The following FAM107B variants were observed in gnomAD, a reference collection of about 807,000 sequenced individuals.
FAM107B encodes the protein family with sequence similarity 107 member B, also known as protein FAM107B.
A neutral mutation model predicts 31.5 loss-of-function variants in FAM107B; 21 were observed. The ratio of observed to expected loss-of-function variants is 0.67; its 90% confidence interval spans 0.47 to 0.96. The LOEUF is 0.96. Among genes scored for constraint, FAM107B ranks in the 40% least tolerant of loss-of-function variants. The pLI, the probability that FAM107B is intolerant of heterozygous loss-of-function variation, is 0.00. For missense variants in FAM107B, 452 were observed against 377.1 expected (o/e 1.20, Z -1.64); for synonymous variants, 157 against 141.5 (o/e 1.11, Z -0.78).
intron 2 of FAM107B, among the ~76,000 whole-genome samples, chr10:14,591,750 C>T (rs541226802): frequency 3.3e-5 from 5 of 152,246 alleles, no homozygotes; most frequent in Non-Finnish European, 5.9e-5. Flanking sequence ...AACGTTAAGC[C>T]AGATGATACC....
chr10:14,526,597 T>C (rs77075750), intron 3 of FAM107B, among the ~76,000 whole-genome samples: 2,936 of 152,326 alleles, frequency 0.019, 93 homozygotes, highest in African/African-American at 0.066. Flanking sequence ...CCTTTATCTC[T>C]AGAACTGCCC....
chr10:14,552,293 C>T (rs1849331073), intron 2 of FAM107B, among the ~76,000 whole-genome samples: 1 of 152,122 alleles, frequency 6.6e-6, no homozygotes, highest in African/African-American at 2.4e-5. Flanking sequence ...ACGGTGAATC[C>T]ACTCAATGGT....
chr10:14,593,218 T>C (rs1045999614), intron 2 of FAM107B, among the ~76,000 whole-genome samples: 5 of 152,144 alleles, frequency 3.3e-5, no homozygotes, highest in African/African-American at 9.6e-5. Flanking sequence ...GTTTGCTACT[T>C]TGAACTAGTA....
chr10:14,675,089 T>A (rs935915452), intron 1 of FAM107B, among the ~76,000 whole-genome samples: 13 of 152,164 alleles, frequency 8.5e-5, no homozygotes, highest in African/African-American at 3.1e-4. Context: ...CATGCCCATA[T>A]TAAACTGCTA....
chr10:14,728,394 A>G (rs1313469122), intron 1 of FAM107B, among the ~76,000 whole-genome samples: 1 of 151,766 alleles, frequency 6.6e-6, no homozygotes, highest in East Asian at 1.9e-4. Flanking sequence ...CTATTTTTGA[A>G]AATAAAGCCA....
At chr10:14,618,162 A>C (rs1477054255) in intron 2 of FAM107B, among the ~76,000 whole-genome samples, 1 of 152,188 alleles carries the variant, frequency 6.6e-6, no homozygotes, top group Non-Finnish European at 1.5e-5. Context: ...GGTATTATAC[A>C]GTTCAGTCTC....
chr10:14,685,491 G>C (rs1448674031), intron 1 of FAM107B, among the ~76,000 whole-genome samples: 2 of 152,056 alleles, frequency 1.3e-5, no homozygotes, highest in African/African-American at 4.8e-5. Context: ...GTGTCCCCCA[G>C]TTTTCAAGGA....
chr10:14,628,590 G>C (rs1054454144), intron 2 of FAM107B, among the ~76,000 whole-genome samples: 7 of 152,146 alleles, frequency 4.6e-5, no homozygotes, highest in African/African-American at 1.7e-4. Flanking sequence ...TTGGTTCTTT[G>C]GTGGGTAAAT....
intron 1 of FAM107B, among the ~76,000 whole-genome samples, chr10:14,770,504 T>C (rs950867199): frequency 6.6e-6 from 1 of 151,968 alleles, no homozygotes; most frequent in African/African-American, 2.4e-5. Context: ...GTCTGGGTGA[T>C]GGAGCAAGAC....
intron 1 of FAM107B, among the ~76,000 whole-genome samples, chr10:14,750,504 C>A (rs1241713446): frequency 6.6e-6 from 1 of 152,060 alleles, no homozygotes; most frequent in African/African-American, 2.4e-5. Flanking sequence ...CCCAGCTACT[C>A]GGGAGCCTGA....
intron 1 of FAM107B, among the ~76,000 whole-genome samples, chr10:14,748,002 C>T (rs1258243673): frequency 6.6e-6 from 1 of 152,224 alleles, no homozygotes; most frequent in Non-Finnish European, 1.5e-5. Context: ...CTGAAACACA[C>T]TCACCCTCCT....
At chr10:14,661,363 T>G (rs1854233678) in intron 2 of FAM107B, among the ~76,000 whole-genome samples, 1 of 152,162 alleles carries the variant, frequency 6.6e-6, no homozygotes, top group Non-Finnish European at 1.5e-5. Context: ...AACATCTAAA[T>G]CAGTAAACTC....
chr10:14,620,687 C>A (rs1852987909), intron 2 of FAM107B, among the ~76,000 whole-genome samples: 1 of 152,138 alleles, frequency 6.6e-6, no homozygotes, highest in South Asian at 2.1e-4. Context: ...TCCCAGCCCG[C>A]CATCCCCCCA....
rs550977550 is a variant in FAM107B, at chr10:14,644,056, G to A, written c.469+23578C>T. ...ACCAGTAATGAGAAGGAGACATAGA[G>A]GGTAAGAATGAAGGATATTTCCTCT... On this transcript the variant is annotated intron_variant, in intron 2 of 4. Coordinates refer to ENST00000181796, the MANE Select transcript of FAM107B (RefSeq NM_031453.4). Among the ~76,000 whole-genome samples, 5 of 152,328 alleles carry A rather than the reference G, an allele frequency of 3.3e-5. No homozygotes were observed. In the South Asian group the frequency reaches 1.0e-3, roughly 32 times the overall value.
chr10:14,568,761 G>A (rs1850928693), intron 2 of FAM107B, among the ~76,000 whole-genome samples: 1 of 142,900 alleles, frequency 7.0e-6, no homozygotes, highest in Admixed American at 7.0e-5. Flanking sequence ...CAAGGCAGGA[G>A]CACAGCACCT....
intron 1 of FAM107B, among the ~76,000 whole-genome samples, chr10:14,692,403 T>C (rs2131511238): frequency 2.0e-5 from 3 of 152,192 alleles, no homozygotes; most frequent in Admixed American, 2.0e-4. Flanking sequence ...GGGCTGAGGG[T>C]GGGGTGACTT....
At chr10:14,709,461 TAGGGAAACTCC>T (rs563271573) in intron 1 of FAM107B, among the ~76,000 whole-genome samples, 84 of 152,328 alleles carry the variant, frequency 5.5e-4, no homozygotes, top group African/African-American at 1.9e-3. Context: ...AGAGCTTATG[TAGGGAAACTCC>T]AGTTTTTATA....
At chr10:14,548,838 A>ACACACACACG (rs60206579) in intron 2 of FAM107B, among the ~76,000 whole-genome samples, 143,483 of 151,388 alleles carry the variant, frequency 0.95, 68,411 homozygotes, top group Non-Finnish European at 1. Context: ...ACACACACGC[A>ACACACACACG]CACACACACC....
Position 14,774,671 on chromosome 10 carries a change from A to G in FAM107B, c.-8T>C. 6.2e-7 allele frequency: 1 copy of G among 1,608,664 alleles called. No homozygotes were observed. On this transcript the variant is annotated 5_prime_UTR_variant, in exon 1 of 5. Coordinates refer to ENST00000181796, the MANE Select transcript of FAM107B (RefSeq NM_031453.4). ...TGCTTTCCACGTGGACATGACTTGC[A>G]GTGAATCATTGCAAAGTTCAAACGG...
Sources: allele counts gnomAD v4.1 joint callset (sites outside exome capture counted in the v4.1 genomes callset), GRCh38; gene constraint gnomAD v4.1.1; transcripts MANE v1.5; gene names NCBI Gene and HGNC (gene_info 2026-07-23, HGNC 2026-07-21).